SLC39A11: variants seen among roughly 807,000 people sequenced by gnomAD.
The protein encoded by SLC39A11 is solute carrier family 39 member 11, also known as zinc transporter ZIP11.
A neutral mutation model predicts 36.1 loss-of-function variants in SLC39A11; 33 were observed. The observed-to-expected ratio is 0.91, with a 90% confidence interval of 0.69 to 1.22. The LOEUF (loss-of-function observed/expected upper bound fraction) is 1.22. Ranked by LOEUF, SLC39A11 falls within the 50% of genes most tolerant of loss-of-function variation. The pLI, the probability that SLC39A11 is intolerant of heterozygous loss-of-function variation, is 0.00. For synonymous variants in SLC39A11, 166 were observed against 170.3 expected (o/e 0.97, Z 0.20); for missense variants, 432 against 430.3 (o/e 1.00, Z -0.03).
intron 7 of SLC39A11, among the ~76,000 whole-genome samples, chr17:72,665,059 A>G (rs1398084927): frequency 2.6e-5 from 4 of 152,216 alleles, no homozygotes; most frequent in African/African-American, 9.6e-5. Flanking sequence ...AAAGGCTTGT[A>G]GCTTCTTTCT....
intron 4 of SLC39A11, among the ~76,000 whole-genome samples, chr17:73,020,972 C>A (rs151167593): frequency 6.6e-6 from 1 of 152,144 alleles, no homozygotes; most frequent in African/African-American, 2.4e-5. Flanking sequence ...TGAGCCACCA[C>A]GCCCAGCCCG....
intron 3 of SLC39A11, chr17:73,072,466 T>C (rs965300018): frequency 6.6e-6 from 1 of 152,210 alleles, no homozygotes; most frequent in African/African-American, 2.4e-5. Context: ...CAAAGGCTGT[T>C]ACTTCCCATC....
intron 4 of SLC39A11, among the ~76,000 whole-genome samples, chr17:72,955,469 A>AT (rs57079729): frequency 0.83 from 106,525 of 128,580 alleles, 45,326 homozygotes; most frequent in East Asian, 0.95. Context: ...CGTCTGGCTA[A>AT]TTTTTTTTTT....
intron 7 of SLC39A11, among the ~76,000 whole-genome samples, chr17:72,711,945 A>G (rs563771973): frequency 3.9e-5 from 6 of 152,240 alleles, no homozygotes; most frequent in Admixed American, 1.3e-4. Context: ...GATTGATGGA[A>G]AGGCCCTTAA....
chr17:72,735,944 C>T (rs533133733), intron 7 of SLC39A11, among the ~76,000 whole-genome samples: 69 of 152,282 alleles, frequency 4.5e-4, no homozygotes, highest in African/African-American at 1.4e-3. Flanking sequence ...TTGAGAGTGA[C>T]GGCAGGGTTG....
At chr17:72,749,506 T>C (rs778888406) in intron 6 of SLC39A11, among the ~76,000 whole-genome samples, 1 of 152,176 alleles carries the variant, frequency 6.6e-6, no homozygotes, top group Non-Finnish European at 1.5e-5. Context: ...CCTAAGCAGC[T>C]CTGTAAATAT....
chr17:73,078,082 C>CA (rs1282388092), intron 3 of SLC39A11, among the ~76,000 whole-genome samples: 1 of 151,586 alleles, frequency 6.6e-6, no homozygotes, highest in African/African-American at 2.4e-5. Context: ...ACTAAAAATA[C>CA]AAAAAATTAG....
At chr17:72,758,478 T>C (rs899333292) in intron 6 of SLC39A11, among the ~76,000 whole-genome samples, 8 of 152,206 alleles carry the variant, frequency 5.3e-5, no homozygotes, top group Admixed American at 2.0e-4. Context: ...CCCATCTTTC[T>C]TGTGGCAGGA....
At chr17:72,946,315 C>T (rs1035055300) in intron 5 of SLC39A11, among the ~76,000 whole-genome samples, 5 of 152,192 alleles carry the variant, frequency 3.3e-5, no homozygotes, top group African/African-American at 7.2e-5. Flanking sequence ...TTCCATCCCA[C>T]GTAGGAAGTT....
chr17:72,845,984 T>G (rs560720934), intron 6 of SLC39A11, among the ~76,000 whole-genome samples: 164 of 144,046 alleles, frequency 1.1e-3, no homozygotes, highest in African/African-American at 3.8e-3. Flanking sequence ...AGAGAATCCA[T>G]CTTTCAAACC....
intron 5 of SLC39A11, among the ~76,000 whole-genome samples, chr17:72,874,884 G>A (rs1262509962): frequency 6.6e-6 from 1 of 152,200 alleles, no homozygotes; most frequent in African/African-American, 2.4e-5. Flanking sequence ...TTGGGACCCA[G>A]TCATTCCTCG....
intron 5 of SLC39A11, among the ~76,000 whole-genome samples, chr17:72,908,384 G>A (rs963154313): frequency 2.6e-5 from 4 of 152,276 alleles, no homozygotes; most frequent in South Asian, 2.1e-4. Context: ...CCTTCAAATC[G>A]CTGCTGCAAC....
At chr17:72,959,106 G>A (rs2086430996) in intron 4 of SLC39A11, among the ~76,000 whole-genome samples, 2 of 151,690 alleles carry the variant, frequency 1.3e-5, no homozygotes, top group African/African-American at 4.8e-5. Flanking sequence ...AAAATAGTGT[G>A]GGGATTCCTT....
intron 7 of SLC39A11, among the ~76,000 whole-genome samples, chr17:72,687,062 C>T (rs1378963313): frequency 6.6e-6 from 1 of 152,194 alleles, no homozygotes; most frequent in African/African-American, 2.4e-5. Context: ...GGGTCATGCT[C>T]TGTCACCCAG....
chr17:72,688,689 T>C (rs2071869822), intron 7 of SLC39A11, among the ~76,000 whole-genome samples: 2 of 152,192 alleles, frequency 1.3e-5, no homozygotes, highest in South Asian at 4.1e-4. Context: ...AAGGGATAGT[T>C]CCAGGCAAAC....
chr17:73,082,928 A>G lies in SLC39A11; in HGVS notation c.147+1880T>C, dbSNP rs554326573. Among the ~76,000 whole-genome samples, 4 of 141,908 alleles carry G rather than the reference A, an allele frequency of 2.8e-5. No homozygotes were observed. The South Asian group carries it at 7.0e-4, about 25-fold the overall frequency. 93.1% of individuals were successfully genotyped at this position (141,908 alleles called of 152,430 possible). A position where few individuals can be genotyped will look rare whatever the true frequency, so the allele number is the denominator to read the frequency against. On this transcript the variant is annotated intron_variant, in intron 3 of 9. Transcript: ENST00000255559. ...TTACTCGGGAGCCTGCAGCAGGGGA[A>G]TTGTTTGAACTCGGGAGGCGGAGGT...
intron 3 of SLC39A11, among the ~76,000 whole-genome samples, chr17:73,048,966 T>TAC (rs889085324): frequency 6.6e-6 from 1 of 152,100 alleles, no homozygotes; most frequent in African/African-American, 2.4e-5. Context: ...ACCAGATGGA[T>TAC]ACACACACAC....
chr17:73,084,796 C>A lies in SLC39A11; in HGVS notation c.147+12G>T, dbSNP rs2060665614. The A allele has an allele frequency of 6.2e-7, 1 of 1,613,920 alleles. No homozygotes were observed. Among genetic ancestry groups the A allele is most frequent in the Non-Finnish European group, 8.5e-7 (1 of 1,179,816 alleles). ...GCCTCAATTTCCATTTCTCCTACTACATGCTACTTACCCCTGCAGCAAAGC... is the reference window on the plus strand; with the variant it reads ...GCCTCAATTTCCATTTCTCCTACTAAATGCTACTTACCCCTGCAGCAAAGC... On this transcript the variant is annotated intron_variant, in intron 3 of 9. Coordinates refer to ENST00000255559, the MANE Select transcript of SLC39A11 (RefSeq NM_139177.4).
rs564213713 is a variant in SLC39A11 at position 72,659,307 on chromosome 17, G to A, written c.672-10039C>T. Among the ~76,000 whole-genome samples the A allele has an allele frequency of 9.8e-5, 15 of 152,288 alleles. No homozygotes were observed. The East Asian group carries it at 1.2e-3, about 12-fold the overall frequency. On this transcript the variant is annotated intron_variant, in intron 7 of 9. Transcript: ENST00000255559. ...CATTAGGGGCGAGGATGATTTTGGCGGAGACAGATGATCCAGGAAACCTTT... is the reference window on the plus strand; with the variant it reads ...CATTAGGGGCGAGGATGATTTTGGCAGAGACAGATGATCCAGGAAACCTTT...
Sources: allele counts gnomAD v4.1 joint callset (sites outside exome capture counted in the v4.1 genomes callset), GRCh38; gene constraint gnomAD v4.1.1; transcripts MANE v1.5; gene names NCBI Gene and HGNC (gene_info 2026-07-23, HGNC 2026-07-21).